The following KANK1 variants were observed in gnomAD, a reference collection of about 807,000 sequenced individuals.
The protein encoded by KANK1 is KN motif and ankyrin repeat domains 1, also known as KN motif and ankyrin repeat domain-containing protein 1.
In KANK1, 109 loss-of-function variants were observed where a neutral mutation model predicts 106.2. That is an observed-to-expected ratio of 1.03 (90% confidence interval 0.88 to 1.20). The LOEUF (loss-of-function observed/expected upper bound fraction) is 1.20. Among genes scored for constraint, KANK1 ranks in the 50% most tolerant of loss-of-function variants. The pLI is 0.00. For missense variants in KANK1, 2,399 were observed against 1,710.7 expected (o/e 1.40, Z -7.10); for synonymous variants, 873 against 652.2 (o/e 1.34, Z -5.16).
At chr9:677,867 G>C (rs981799963) in intron 2 of KANK1, among the ~76,000 whole-genome samples, 2 of 152,194 alleles carry the variant, frequency 1.3e-5, no homozygotes, top group Non-Finnish European at 1.5e-5. Context: ...CCTAGTTCCA[G>C]CACTAACCGT....
At chr9:736,287 T>C (rs1383792540) in intron 7 of KANK1, among the ~76,000 whole-genome samples, 1 of 152,168 alleles carries the variant, frequency 6.6e-6, no homozygotes, top group Non-Finnish European at 1.5e-5. Flanking sequence ...GTAAATGCTA[T>C]ATAAATAGTT....
intron 1 of KANK1, among the ~76,000 whole-genome samples, chr9:615,737 A>G (rs1015991440): frequency 6.6e-6 from 1 of 152,232 alleles, no homozygotes; most frequent in African/African-American, 2.4e-5. Flanking sequence ...CATGAAGAAC[A>G]AATGTTATAT....
At chr9:484,980 T>G (rs929935808) in intron 3 of KANK1, among the ~76,000 whole-genome samples, 4 of 151,978 alleles carry the variant, frequency 2.6e-5, no homozygotes, top group African/African-American at 9.7e-5. Flanking sequence ...GTGTCAATGC[T>G]TTGGCCTATC....
intron 1 of KANK1, among the ~76,000 whole-genome samples, chr9:603,132 G>C (rs1025261188): frequency 6.6e-6 from 1 of 151,778 alleles, no homozygotes; most frequent in South Asian, 2.1e-4. Context: ...ATCAGGATTT[G>C]AAAGATGAAT....
intron 3 of KANK1, among the ~76,000 whole-genome samples, chr9:498,545 G>A (rs2058493252): frequency 6.6e-6 from 1 of 152,120 alleles, no homozygotes; most frequent in South Asian, 2.1e-4. Context: ...ATAAAGACTA[G>A]TATCACTTAT....
At chr9:555,157 C>A (rs532112984) in intron 1 of KANK1, among the ~76,000 whole-genome samples, 1 of 151,460 alleles carries the variant, frequency 6.6e-6, no homozygotes, top group African/African-American at 2.4e-5. Context: ...AATAAGTGCT[C>A]GTGAAATGAG....
chr9:493,446 G>T (rs1205120619), intron 3 of KANK1, among the ~76,000 whole-genome samples: 1 of 151,764 alleles, frequency 6.6e-6, no homozygotes, highest in Non-Finnish European at 1.5e-5. Flanking sequence ...CCTTATCAGA[G>T]ACTGTGAGCC....
rs1199031452 is a variant in KANK1, at chr9:745,471, G to A, written c.*236G>A. On this transcript the variant is annotated 3_prime_UTR_variant, in exon 12 of 12. Transcript: ENST00000382297. ...ACACTTTAACCCAGTCTCTGTTGCTGTTGAGTCTCTGCTCCGTTTTGTACA... is the reference window on the plus strand; with the variant it reads ...ACACTTTAACCCAGTCTCTGTTGCTATTGAGTCTCTGCTCCGTTTTGTACA... 132 of 447,430 alleles carry A rather than the reference G, an allele frequency of 3.0e-4. No homozygotes were observed. The highest frequency in any genetic ancestry group is 5.6e-5 in the Non-Finnish European group (14 of 249,020). The allele number at this position is 447,430 out of a possible 1,614,324, so 27.7% of individuals were successfully genotyped here.
chr9:715,035 T>G (rs182248679), intron 3 of KANK1, among the ~76,000 whole-genome samples: 4 of 152,334 alleles, frequency 2.6e-5, no homozygotes, highest in African/African-American at 9.6e-5. Flanking sequence ...GGGCAATGAT[T>G]AAAATAGACT....
chr9:595,828 G>C (rs1437593872), intron 1 of KANK1, among the ~76,000 whole-genome samples: 1 of 151,904 alleles, frequency 6.6e-6, no homozygotes, highest in Non-Finnish European at 1.5e-5. Flanking sequence ...AGCCTCATGA[G>C]AAGATTTATG....
chr9:532,237 CTTT>C (rs34351693), intron 1 of KANK1, among the ~76,000 whole-genome samples: 6 of 107,764 alleles, frequency 5.6e-5, no homozygotes, highest in Admixed American at 1.9e-4. Flanking sequence ...GAGCATTTGT[CTTT>C]TTTTTTTTTT....
intron 1 of KANK1, among the ~76,000 whole-genome samples, chr9:560,898 C>T (rs1587823129): frequency 6.6e-6 from 1 of 152,116 alleles, no homozygotes; most frequent in Admixed American, 6.5e-5. Context: ...GAATGGGAGA[C>T]CTGGATCAGT....
chr9:623,376 GTCCAGGAGT>G (rs1833607180), intron 1 of KANK1, among the ~76,000 whole-genome samples: 1 of 152,056 alleles, frequency 6.6e-6, no homozygotes, highest in South Asian at 2.1e-4. Flanking sequence ...GATTGCTTGA[GTCCAGGAGT>G]TCCAGACCAA....
chr9:561,952 A>G (rs1816564731), intron 1 of KANK1, among the ~76,000 whole-genome samples: 1 of 151,978 alleles, frequency 6.6e-6, no homozygotes, highest in Non-Finnish European at 1.5e-5. Context: ...GGTTGCATGT[A>G]TGATAGAAAT....
chr9:642,224 A>T (rs1246448866), intron 1 of KANK1, among the ~76,000 whole-genome samples: 1 of 143,376 alleles, frequency 7.0e-6, no homozygotes, highest in Non-Finnish European at 1.5e-5. Flanking sequence ...TTACCTCTGT[A>T]TCATAAAAGC....
At chr9:523,777 C>T (rs574438412) in intron 1 of KANK1, among the ~76,000 whole-genome samples, 1 of 151,288 alleles carries the variant, frequency 6.6e-6, no homozygotes, top group South Asian at 2.1e-4. Context: ...AACCTGTCTT[C>T]TCCTGGCACT....
At chr9:681,868 G>A (rs1308304318) in intron 2 of KANK1, among the ~76,000 whole-genome samples, 1 of 152,110 alleles carries the variant, frequency 6.6e-6, no homozygotes, top group Admixed American at 6.5e-5. Context: ...GCTACTAGTT[G>A]CCTTCCCCAA....
intron 1 of KANK1, among the ~76,000 whole-genome samples, chr9:533,422 C>T (rs1358695201): frequency 1.3e-5 from 2 of 152,152 alleles, no homozygotes; most frequent in African/African-American, 4.8e-5. Flanking sequence ...TTGTGGGGGA[C>T]AGATGAGGTA....
intron 1 of KANK1, among the ~76,000 whole-genome samples, chr9:529,242 CACACACACACACATAT>C (rs900484861): frequency 3.3e-5 from 5 of 151,082 alleles, no homozygotes; most frequent in Admixed American, 6.6e-5. Flanking sequence ...TATACACACA[CACACACACACACATAT>C]ACACACACAC....
Sources: allele counts gnomAD v4.1 joint callset (sites outside exome capture counted in the v4.1 genomes callset), GRCh38; gene constraint gnomAD v4.1.1; transcripts MANE v1.5; gene names NCBI Gene and HGNC (gene_info 2026-07-23, HGNC 2026-07-21).